The following NRXN3 variants were observed in gnomAD, a reference collection of about 807,000 sequenced individuals.
NRXN3 encodes the protein neurexin 3.
In NRXN3, 32 loss-of-function variants were observed where a neutral mutation model predicts 137.6. That is an observed-to-expected ratio of 0.23 (90% CI 0.18 to 0.31). NRXN3 has a LOEUF of 0.31. NRXN3 is among the 10% of genes least tolerant of loss of function. The probability of loss-of-function intolerance (pLI) is 1.00; values close to 1 mark genes in which losing one functional copy is unlikely to be tolerated. For missense variants in NRXN3, 1,574 were observed against 2,062.5 expected, an observed-to-expected ratio of 0.76 and a Z score of 4.59; for synonymous variants, 798 against 784.5, an observed-to-expected ratio of 1.02 and a Z score of -0.29.
At chr14:79,108,013 A>G (rs888692078) in intron 15 of NRXN3, among the ~76,000 whole-genome samples, 3 of 152,196 alleles carry the variant, frequency 2.0e-5, no homozygotes, top group African/African-American at 7.2e-5. Flanking sequence ...TAATTTTCAC[A>G]GTGGTCAGAG....
intron 4 of NRXN3, among the ~76,000 whole-genome samples, chr14:78,362,341 T>G: frequency 6.6e-6 from 1 of 152,042 alleles, no homozygotes; most frequent in South Asian, 2.1e-4. Context: ...TTCAGTGAGA[T>G]CAAATTCAGG....
intron 15 of NRXN3, among the ~76,000 whole-genome samples, chr14:79,143,162 A>G (rs1041738023): frequency 1.3e-5 from 2 of 152,160 alleles, no homozygotes; most frequent in Admixed American, 6.5e-5. Context: ...TTTCTCATTC[A>G]TCCTTTGCAA....
intron 15 of NRXN3, among the ~76,000 whole-genome samples, chr14:79,029,090 AAGAG>A (rs1284288986): frequency 1.3e-5 from 2 of 152,010 alleles, no homozygotes; most frequent in African/African-American, 2.4e-5. Context: ...GAGAGGAAGA[AAGAG>A]AGAATGAAAA....
At chr14:78,993,602 A>G (rs1016810368) in intron 15 of NRXN3, among the ~76,000 whole-genome samples, 6 of 152,206 alleles carry the variant, frequency 3.9e-5, no homozygotes, top group Non-Finnish European at 8.8e-5. Context: ...GTATTGATTC[A>G]TTCACTCACC....
chr14:78,723,547 C>A (rs1175635789), intron 8 of NRXN3, among the ~76,000 whole-genome samples: 1 of 152,146 alleles, frequency 6.6e-6, no homozygotes. Context: ...AGAGTCAAAC[C>A]TACACCTGCT....
At chr14:78,206,831 T>G (rs887719757) in intron 1 of NRXN3, among the ~76,000 whole-genome samples, 3 of 152,138 alleles carry the variant, frequency 2.0e-5, no homozygotes, top group African/African-American at 7.2e-5. Context: ...CCTCCAGGCT[T>G]CTTTTCCTGT....
At chr14:79,628,811 T>C (rs745398463) in intron 16 of NRXN3, among the ~76,000 whole-genome samples, 4 of 152,208 alleles carry the variant, frequency 2.6e-5, no homozygotes, top group Non-Finnish European at 5.9e-5. Flanking sequence ...TTCAGAAAAC[T>C]GTACGACGTG....
chr14:79,336,109 G>A (rs2092242197), intron 15 of NRXN3, among the ~76,000 whole-genome samples: 1 of 152,142 alleles, frequency 6.6e-6, no homozygotes, highest in African/African-American at 2.4e-5. Context: ...CAGAATCAAA[G>A]CAAAGACTAA....
At chr14:78,279,212 T>G (rs780266005) in intron 3 of NRXN3, among the ~76,000 whole-genome samples, 1 of 152,210 alleles carries the variant, frequency 6.6e-6, no homozygotes, top group Non-Finnish European at 1.5e-5. Flanking sequence ...AGCAGGATGG[T>G]TTGAATAAAT....
intron 15 of NRXN3, among the ~76,000 whole-genome samples, chr14:79,148,956 G>T (rs949307407): frequency 2.6e-5 from 4 of 152,024 alleles, no homozygotes; most frequent in African/African-American, 9.7e-5. Flanking sequence ...AAGTACAGAA[G>T]CTATTACCTT....
intron 16 of NRXN3, among the ~76,000 whole-genome samples, chr14:79,499,259 C>G (rs1337662237): frequency 6.6e-6 from 1 of 152,198 alleles, no homozygotes; most frequent in East Asian, 1.9e-4. Flanking sequence ...TCCTCCACAT[C>G]TACCACACCC....
At chr14:79,019,903 G>A (rs2099585851) in intron 15 of NRXN3, among the ~76,000 whole-genome samples, 1 of 152,046 alleles carries the variant, frequency 6.6e-6, no homozygotes, top group Admixed American at 6.6e-5. Context: ...TGAAAGGGGA[G>A]TTAGACTTTC....
intron 19 of NRXN3, among the ~76,000 whole-genome samples, chr14:79,766,678 C>A (rs2099057053): frequency 6.6e-6 from 1 of 152,156 alleles, no homozygotes; most frequent in African/African-American, 2.4e-5. Flanking sequence ...CTGTCTAAAA[C>A]ATTTATGTTA....
At chr14:79,205,226 G>A (rs576790271) in intron 15 of NRXN3, among the ~76,000 whole-genome samples, 1 of 152,244 alleles carries the variant, frequency 6.6e-6, no homozygotes, top group South Asian at 2.1e-4. Flanking sequence ...CCTGTAGCTT[G>A]GGAACCGAAT....
chr14:78,864,551 T>A (rs2099081553), intron 10 of NRXN3, among the ~76,000 whole-genome samples: 1 of 152,176 alleles, frequency 6.6e-6, no homozygotes, highest in Admixed American at 6.6e-5. Flanking sequence ...TATGAGTACT[T>A]GCCACAAGTA....
intron 15 of NRXN3, among the ~76,000 whole-genome samples, chr14:79,131,221 G>A (rs2057418447): frequency 6.6e-6 from 1 of 152,176 alleles, no homozygotes; most frequent in Non-Finnish European, 1.5e-5. Flanking sequence ...TTGCTGGTGA[G>A]GAACTGCGTT....
chr14:78,297,906 C>T (rs1360971807), intron 4 of NRXN3, 46 bp downstream of exon 4: 2 of 1,534,870 alleles, frequency 1.3e-6, no homozygotes, highest in Non-Finnish European at 8.7e-7. Flanking sequence ...GAACTGCTTG[C>T]CTCCGTGCCT....
intron 10 of NRXN3, among the ~76,000 whole-genome samples, chr14:78,859,059 G>GT (rs2099065342): frequency 6.9e-6 from 1 of 145,766 alleles, no homozygotes; most frequent in African/African-American, 2.8e-5. Context: ...TTAAATCACA[G>GT]GGGGGCGGTT....
chr14:79,719,402 G>GTATATATA (rs143848752), intron 19 of NRXN3, among the ~76,000 whole-genome samples: 10 of 142,276 alleles, frequency 7.0e-5, no homozygotes, highest in African/African-American at 2.1e-4. Flanking sequence ...ATATATGTGT[G>GTATATATA]TATATATATA....
Sources: allele counts gnomAD v4.1 joint callset (sites outside exome capture counted in the v4.1 genomes callset), GRCh38; gene constraint gnomAD v4.1.1; transcripts MANE v1.5; gene names NCBI Gene and HGNC (gene_info 2026-07-23, HGNC 2026-07-21).